The following TRIM24 variants were observed in gnomAD, a reference collection of about 807,000 sequenced individuals.
The protein encoded by TRIM24 is tripartite motif containing 24, also known as transcription intermediary factor 1-alpha.
Under a neutral mutation model 123.9 loss-of-function variants are expected in TRIM24, and 29 were observed. That is an observed-to-expected ratio of 0.23 (90% CI 0.17 to 0.32). The LOEUF is 0.32. Among genes scored for constraint, TRIM24 ranks in the 10% least tolerant of loss-of-function variants. The pLI, the probability that TRIM24 is intolerant of heterozygous loss-of-function variation, is 1.00. For missense variants in TRIM24, 932 were observed against 1,295.3 expected (o/e 0.72, Z 4.31); for synonymous variants, 456 against 461.1 (o/e 0.99, Z 0.14).
intron 12 of TRIM24, among the ~76,000 whole-genome samples, chr7:138,576,022 A>ATGTT (rs1797751130): frequency 6.6e-6 from 1 of 152,170 alleles, no homozygotes; most frequent in Non-Finnish European, 1.5e-5. Context: ...AGACTTGGCA[A>ATGTT]TGTTTGGAGA....
At chr7:138,551,985 A>G (rs1046555701) in intron 8 of TRIM24, among the ~76,000 whole-genome samples, 1 of 152,174 alleles carries the variant, frequency 6.6e-6, no homozygotes, top group African/African-American at 2.4e-5. Context: ...GTACTGCATA[A>G]TGATATCTCA....
intron 3 of TRIM24, among the ~76,000 whole-genome samples, chr7:138,518,076 T>C (rs1031857729): frequency 1.3e-5 from 2 of 152,240 alleles, no homozygotes; most frequent in African/African-American, 4.8e-5. Context: ...AATTTTCATA[T>C]GTTTATTTCA....
chr7:138,529,664 A>G (rs1796686975), intron 6 of TRIM24, among the ~76,000 whole-genome samples: 1 of 152,190 alleles, frequency 6.6e-6, no homozygotes, highest in Non-Finnish European at 1.5e-5. Flanking sequence ...CCTGCCCTCA[A>G]CATTTTGTAA....
At chr7:138,512,273 G>T (rs1270950790) in intron 2 of TRIM24, among the ~76,000 whole-genome samples, 1 of 152,162 alleles carries the variant, frequency 6.6e-6, no homozygotes, top group Non-Finnish European at 1.5e-5. Context: ...CAGACTAAAG[G>T]TGCAAGCTGC....
intron 1 of TRIM24, among the ~76,000 whole-genome samples, chr7:138,493,969 G>T (rs1319867385): frequency 6.6e-6 from 1 of 151,898 alleles, no homozygotes; most frequent in Non-Finnish European, 1.5e-5. Flanking sequence ...TATTGTTGTT[G>T]TTGTTGTTGT....
intron 3 of TRIM24, among the ~76,000 whole-genome samples, chr7:138,516,882 GA>G (rs2116559616): frequency 6.6e-6 from 1 of 150,656 alleles, no homozygotes; most frequent in South Asian, 2.1e-4. Context: ...GCCGAAGTGG[GA>G]TGATTGCCTG....
chr7:138,516,077 A>T (rs946069389), intron 3 of TRIM24, among the ~76,000 whole-genome samples: 1 of 152,306 alleles, frequency 6.6e-6, no homozygotes. Context: ...AGGCAGGTGG[A>T]TCATGAGATC....
rs534772304 is a variant in TRIM24 at position 138,499,090 on chromosome 7, A to T, written c.365-5200A>T. ...GTAATGTGGATTTGTCTTTTTTTTT[A>T]ATTTTTTTTTAGCTGTATCAATTTC... is the stretch of plus-strand genomic sequence containing the variant. On this transcript the variant is annotated intron_variant, in intron 1 of 18. Transcript: ENST00000343526. Among the ~76,000 whole-genome samples the T allele has an allele frequency of 1.8e-3, 274 of 151,568 alleles. 1 individual carries two copies. Among genetic ancestry groups the T allele is most frequent in the African/African-American group, 6.2e-3 (256 of 41,336 alleles).
At chr7:138,497,945 G>A (rs1270544872) in intron 1 of TRIM24, among the ~76,000 whole-genome samples, 5 of 152,040 alleles carry the variant, frequency 3.3e-5, no homozygotes, top group Non-Finnish European at 7.4e-5. Context: ...CGCCTGCCTC[G>A]GCTGTCCAAA....
intron 7 of TRIM24, among the ~76,000 whole-genome samples, chr7:138,546,822 G>A (rs1025817979): frequency 2.6e-5 from 4 of 152,172 alleles, no homozygotes; most frequent in East Asian, 1.9e-4. Context: ...AAAGGGGAAC[G>A]CTTGCATCCC....
rs1794936373 is a variant in TRIM24, at chr7:138,460,581, GGCGGCA to G, written c.39_44del (p.Ala14_Ala15del). Reference sequence around the variant, plus strand: ...TGGCGGTGGAGAAGGCGGTGGCGGCGGCGGCAGCGGCCTCGGCTGCGGCCTCCGGGG... The same window carrying G: ...TGGCGGTGGAGAAGGCGGTGGCGGCGGCGGCCTCGGCTGCGGCCTCCGGGG... On this transcript the variant is annotated inframe_deletion, in exon 1 of 19. Coordinates refer to ENST00000343526, the MANE Select transcript of TRIM24 (RefSeq NM_015905.3). 3 of 1,314,084 alleles carry G rather than the reference GGCGGCA, an allele frequency of 2.3e-6. No homozygotes were observed. The highest frequency in any genetic ancestry group is 4.9e-5 in the South Asian group (2 of 40,416). The allele number at this position is 1,314,084 out of a possible 1,614,324, so 81.4% of individuals were successfully genotyped here.
chr7:138,556,083 T>G (rs925961252), intron 9 of TRIM24, among the ~76,000 whole-genome samples: 3 of 152,220 alleles, frequency 2.0e-5, no homozygotes, highest in African/African-American at 7.2e-5. Context: ...TAGATAAATT[T>G]AAAAGCTTTT....
intron 1 of TRIM24, among the ~76,000 whole-genome samples, chr7:138,487,185 T>A (rs1159734175): frequency 6.6e-6 from 1 of 152,224 alleles, no homozygotes; most frequent in Non-Finnish European, 1.5e-5. Flanking sequence ...TGCACCTTGA[T>A]TTTGTATCCT....
chr7:138,585,292 A>C lies in TRIM24; in HGVS notation c.*341A>C, dbSNP rs962041708. On this transcript the variant is annotated 3_prime_UTR_variant, in exon 19 of 19. Transcript: ENST00000343526. Reference sequence around the variant, plus strand: ...TGGAGTGATAGCTACTGTAGAAAGGAAATAGACTTTGTATGAACTCTTTAA... The same window carrying C: ...TGGAGTGATAGCTACTGTAGAAAGGCAATAGACTTTGTATGAACTCTTTAA... The C allele has an allele frequency of 3.9e-6, 1 of 256,694 alleles. No homozygotes were observed. The highest frequency in any genetic ancestry group is 7.4e-6 in the Non-Finnish European group (1 of 134,632). The allele number at this position is 256,694 out of a possible 1,614,324, so 15.9% of individuals were successfully genotyped here. A position where few individuals can be genotyped will look rare whatever the true frequency, so the allele number is the denominator to read the frequency against.
In TRIM24 at chr7:138,586,259, G is replaced by A. The variant is rs532265677; in HGVS notation, c.*1308G>A. 4.1e-5 allele frequency: 7 copies of A among 170,664 alleles called. No individual in the cohort carries two copies. The highest frequency in any genetic ancestry group is 6.3e-5 in the Non-Finnish European group (5 of 78,976). 10.6% of individuals were successfully genotyped at this position (170,664 alleles called of 1,614,324 possible). ...TGACACAATATCTAAATGGTTTGCC[G>A]AAGTTAATCTGTATTTATAAAACAT... On this transcript the variant is annotated 3_prime_UTR_variant, in exon 19 of 19. Transcript: ENST00000343526.
intron 10 of TRIM24, among the ~76,000 whole-genome samples, chr7:138,568,366 C>G (rs556195491): frequency 7.7e-6 from 1 of 130,226 alleles, no homozygotes; most frequent in African/African-American, 2.7e-5. Flanking sequence ...CGTAAGCCAC[C>G]GTACCTGGCC....
chr7:138,480,480 A>G (rs992171918), intron 1 of TRIM24, among the ~76,000 whole-genome samples: 1 of 152,150 alleles, frequency 6.6e-6, no homozygotes, highest in African/African-American at 2.4e-5. Context: ...AATATACCAC[A>G]ATTAAATTTT....
chr7:138,497,293 C>T (rs1795928459), intron 1 of TRIM24, among the ~76,000 whole-genome samples: 1 of 151,900 alleles, frequency 6.6e-6, no homozygotes, highest in Non-Finnish European at 1.5e-5. Flanking sequence ...GTCTTGAAAT[C>T]CTGGGCTCAA....
chr7:138,471,044 A>T (rs1344606227), intron 1 of TRIM24, among the ~76,000 whole-genome samples: 1 of 152,196 alleles, frequency 6.6e-6, no homozygotes, highest in African/African-American at 2.4e-5. Flanking sequence ...TTAACAACTG[A>T]TTATCTAACC....
Sources: gnomAD v4.1 joint callset for allele counts (sites outside exome capture counted in the v4.1 genomes callset) on GRCh38, gnomAD v4.1.1 for gene constraint, MANE v1.5 for transcripts, NCBI Gene and HGNC (gene_info 2026-07-23, HGNC 2026-07-21) for gene names.